VAV2: variants seen among roughly 807,000 people sequenced by gnomAD.
The protein encoded by VAV2 is guanine nucleotide exchange factor VAV2.
Under a neutral mutation model 132.5 loss-of-function variants are expected in VAV2, and 67 were observed. That is an observed-to-expected ratio of 0.51 (90% CI 0.42 to 0.62). The LOEUF (loss-of-function observed/expected upper bound fraction) is 0.62, where lower values mean the gene tolerates loss of function less well. Among genes scored for constraint, VAV2 ranks in the 20% least tolerant of loss-of-function variants. The pLI is 0.00. For missense variants in VAV2, 938 were observed against 1,153.6 expected, an observed-to-expected ratio of 0.81 and a Z score of 2.71; for synonymous variants, 492 against 443.5, an observed-to-expected ratio of 1.11 and a Z score of -1.37.
chr9:133,764,223 C>G, intron 29 of VAV2, 114 bp from the exon 30 acceptor site: 1 of 1,371,018 alleles, frequency 7.3e-7, no homozygotes, highest in East Asian at 2.4e-5. Flanking sequence ...GGGGGCCCTT[C>G]GGAAGTCCAG....
chr9:133,899,715 C>A (rs1289196949), intron 2 of VAV2, among the ~76,000 whole-genome samples: 7 of 145,316 alleles, frequency 4.8e-5, no homozygotes, highest in Non-Finnish European at 7.5e-5. Context: ...TGGCCTCTAC[C>A]AAAAATTTAA....
chr9:133,974,185 T>C (rs1842431725), intron 1 of VAV2, among the ~76,000 whole-genome samples: 2 of 151,368 alleles, frequency 1.3e-5, no homozygotes, highest in Non-Finnish European at 2.9e-5. Context: ...GTGTGGTATC[T>C]GCCTGTGTCC....
rs549538912 is a variant in VAV2, at chr9:133,954,529, C to A, written c.205-15310G>T. On this transcript the variant is annotated intron_variant, in intron 1 of 29. Transcript: ENST00000371850. ...AAATCCACGCACGCCTGAAGGCTTC[C>A]GGAGAAGGCATCGCAGGTCCAGCCA... Among the ~76,000 whole-genome samples, 3 of 152,374 alleles carry A rather than the reference C, an allele frequency of 2.0e-5. No individual in the cohort carries two copies. The East Asian group carries it at 5.8e-4, about 29-fold the overall frequency.
intron 1 of VAV2, among the ~76,000 whole-genome samples, chr9:133,972,476 G>A (rs1842368905): frequency 9.2e-6 from 1 of 108,660 alleles, no homozygotes; most frequent in African/African-American, 3.7e-5. Context: ...GAGAGCCCAT[G>A]TCATTATTAA....
chr9:133,789,386 C>T, intron 13 of VAV2, 43 bp from the exon 14 acceptor site: 1 of 1,599,032 alleles, frequency 6.3e-7, no homozygotes, highest in Non-Finnish European at 8.6e-7. Flanking sequence ...CTGGAGCAGC[C>T]CCAGTTCTCC....
At chr9:133,979,294 A>G (rs965282959) in intron 1 of VAV2, among the ~76,000 whole-genome samples, 1 of 152,152 alleles carries the variant, frequency 6.6e-6, no homozygotes, top group Admixed American at 6.5e-5. Flanking sequence ...CAGGGTCCAG[A>G]GAGGCGCCAC....
intron 9 of VAV2, among the ~76,000 whole-genome samples, chr9:133,798,868 C>T (rs894174449): frequency 3.9e-5 from 6 of 152,186 alleles, no homozygotes; most frequent in African/African-American, 7.2e-5. Context: ...AAGGCTGGGC[C>T]GGACCCAGCG....
At chr9:133,981,930 G>A (rs947845931) in intron 1 of VAV2, among the ~76,000 whole-genome samples, 2 of 152,274 alleles carry the variant, frequency 1.3e-5, no homozygotes, top group Non-Finnish European at 2.9e-5. Context: ...CACGAAGAGG[G>A]CCTGGGAGAA....
intron 9 of VAV2, among the ~76,000 whole-genome samples, chr9:133,803,400 C>A (rs902418646): frequency 2.0e-5 from 3 of 151,452 alleles, no homozygotes; most frequent in Non-Finnish European, 4.4e-5. Context: ...CCACTCCCCG[C>A]AGCATGACTC....
At position 133,783,510 on chromosome 9, in the gene VAV2, G is replaced by A. The variant is rs1330203709; in HGVS notation, c.1716C>T (p.Cys572=). The stretch of plus-strand genomic sequence containing the variant: ...GGTGAGGGGGGTACTCACTGAACTT[G>A]CAGGGAGGTATCACTTCCAGGCACT... The part of the protein sequence containing the change: ...HKECLEVIPP[C]KFTSPADLDA... Residue 572 remains cysteine (C), a synonymous_variant, in exon 19 of 30, where the codon TGC becomes TGT. Transcript: ENST00000371850. 6.2e-7 allele frequency: 1 copy of A among 1,613,628 alleles called. No homozygotes were observed. The highest frequency in any genetic ancestry group is 8.5e-7 in the Non-Finnish European group (1 of 1,179,850).
chr9:133,772,082 A>ACCGCC, intron 25 of VAV2, 36 bp from the exon 26 acceptor site: 1 of 1,586,912 alleles, frequency 6.3e-7, no homozygotes, highest in Non-Finnish European at 8.7e-7. Flanking sequence ...TCACCGCGTG[A>ACCGCC]GGGCCACACG....
At chr9:133,941,760 T>A (rs1631312) in intron 1 of VAV2, among the ~76,000 whole-genome samples, 1 of 151,966 alleles carries the variant, frequency 6.6e-6, no homozygotes, top group African/African-American at 2.4e-5. Context: ...CGCACCACCA[T>A]GCCCAGCTAA....
intron 2 of VAV2, among the ~76,000 whole-genome samples, chr9:133,910,832 A>AG (rs112984508): frequency 0.035 from 5,138 of 145,456 alleles, 321 homozygotes; most frequent in African/African-American, 0.12. Context: ...TCAAAAAAAA[A>AG]AAAAAGAAAA....
Position 133,885,434 on chromosome 9 carries a change from ACAAGTCTTGATC to A in VAV2, c.322-24014_322-24003del, listed in dbSNP as rs1289494911. Among the ~76,000 whole-genome samples the A allele has an allele frequency of 6.6e-6, 1 of 152,182 alleles. No individual in the cohort carries two copies. The highest frequency in any genetic ancestry group is 2.4e-5 in the African/African-American group (1 of 41,452). On this transcript the variant is annotated intron_variant, in intron 2 of 29. Transcript: ENST00000371850. This position sits in a 1 kb window ranked among gnomAD's most constrained non-coding sequence, Gnocchi z 5.0. Reference sequence around the variant, plus strand: ...TTTCTCAGAGCCCTCTCATTCCAAAACAAGTCTTGATCCAAGGGCACAGCGGTGGCCGGTACT... The same window carrying A: ...TTTCTCAGAGCCCTCTCATTCCAAAACAAGGGCACAGCGGTGGCCGGTACT...
chr9:133,805,099 G>A (rs1835081868), intron 9 of VAV2, among the ~76,000 whole-genome samples: 1 of 152,182 alleles, frequency 6.6e-6, no homozygotes, highest in South Asian at 2.1e-4. Context: ...GCCTGGACAG[G>A]GAGGGGTGTG....
rs1013470193 is a variant in VAV2, at chr9:133,951,245, T to C, written c.205-12026A>G. Among the ~76,000 whole-genome samples the C allele has an allele frequency of 2.6e-5, 4 of 152,306 alleles. No individual in the cohort carries two copies. In the East Asian group the frequency reaches 5.8e-4, roughly 22 times the overall value. On this transcript the variant is annotated intron_variant, in intron 1 of 29. Transcript: ENST00000371850. ...CCTGCAGAAGGCCACAAGCCAGCCA[T>C]GCGACAGCAAAGTGTCAAAAACTCT...
chr9:133,790,288 T>A (rs1834401528), intron 13 of VAV2, among the ~76,000 whole-genome samples: 1 of 152,208 alleles, frequency 6.6e-6, no homozygotes. Context: ...GAGATTCTCC[T>A]GCCTCAGCCT....
intron 1 of VAV2, among the ~76,000 whole-genome samples, chr9:133,971,092 G>C (rs1212274254): frequency 6.6e-6 from 1 of 152,204 alleles, no homozygotes; most frequent in Non-Finnish European, 1.5e-5. Flanking sequence ...GGGACACCAA[G>C]GTCTGGACCG....
chr9:133,841,451 T>G (rs769391320), intron 3 of VAV2, among the ~76,000 whole-genome samples: 7 of 151,992 alleles, frequency 4.6e-5, no homozygotes, highest in Admixed American at 1.3e-4. Flanking sequence ...TGGCCCTGTT[T>G]CCCTGGGGAC....
Sources: allele counts gnomAD v4.1 joint callset (sites outside exome capture counted in the v4.1 genomes callset), GRCh38; gene constraint gnomAD v4.1.1; non-coding constraint Gnocchi (gnomAD v3.1); transcripts MANE v1.5; gene names NCBI Gene and HGNC (gene_info 2026-07-23, HGNC 2026-07-21).